PRKX: variants seen among roughly 807,000 people sequenced by gnomAD.
PRKX encodes the protein cAMP-dependent protein kinase catalytic subunit PRKX.
A neutral mutation model predicts 22.0 loss-of-function variants in PRKX; 12 were observed. That is an observed-to-expected ratio of 0.54 (90% CI 0.35 to 0.88). PRKX has a LOEUF of 0.88. Ranked by LOEUF, PRKX falls within the 40% of genes least tolerant of loss-of-function variation. PRKX has a pLI of 0.01. For synonymous variants in PRKX, 134 were observed against 137.7 expected (o/e 0.97, Z 0.19); for missense variants, 217 against 308.0 (o/e 0.70, Z 2.21).
intron 1 of PRKX, 42 bp downstream of exon 1, chrX:3,713,046 C>T: frequency 2.7e-6 from 3 of 1,131,110 alleles, no homozygotes; most frequent in Non-Finnish European, 2.3e-6. Flanking sequence ...CCGGCCACGC[C>T]GCGCGCCCCT....
chrX:3,626,972 A>G (rs183511061), intron 4 of PRKX, among the ~76,000 whole-genome samples: 2 of 111,929 alleles, frequency 1.8e-5, no homozygotes, highest in African/African-American at 6.5e-5. Context: ...TGGTCTTCAC[A>G]GACATTTCTC....
intron 1 of PRKX, among the ~76,000 whole-genome samples, chrX:3,692,286 C>T (rs1928346224): frequency 9.0e-6 from 1 of 110,597 alleles, no homozygotes. Flanking sequence ...CTCCACTCAC[C>T]ACACGCCATC....
At chrX:3,634,751 C>T (rs1224985591) in intron 4 of PRKX, among the ~76,000 whole-genome samples, 1 of 111,826 alleles carries the variant, frequency 8.9e-6, no homozygotes, top group Admixed American at 9.5e-5. Context: ...AGTGTAGTGA[C>T]GAGACCACAG....
chrX:3,621,177 T>C, intron 6 of PRKX, 82 bp downstream of exon 6: 1 of 880,652 alleles, frequency 1.1e-6, no homozygotes, highest in Non-Finnish European at 1.7e-6. Context: ...CCTTGGTTTA[T>C]ACCTGCACAT....
At chrX:3,643,864 T>C (rs765509174) in intron 3 of PRKX, among the ~76,000 whole-genome samples, 1 of 110,733 alleles carries the variant, frequency 9.0e-6, no homozygotes, top group South Asian at 3.9e-4. Flanking sequence ...ACATCTTGCC[T>C]GAGTCCGCAC....
chrX:3,648,657 T>A (rs183610483), intron 3 of PRKX, among the ~76,000 whole-genome samples: 81 of 101,716 alleles, frequency 8.0e-4, no homozygotes, highest in African/African-American at 1.4e-3. Flanking sequence ...TGTGTGTGTG[T>A]GAAAGGGGTA....
rs1460542537 is a variant in PRKX, at chrX:3,675,804, A to G, written c.167-1038T>C. Among the ~76,000 whole-genome samples, 3 of 111,394 alleles carry G rather than the reference A, an allele frequency of 2.7e-5. No individual in the cohort carries two copies. In the East Asian group the frequency reaches 8.5e-4, roughly 31 times the overall value. On this transcript the variant is annotated intron_variant, in intron 1 of 8. Coordinates refer to ENST00000262848, the MANE Select transcript of PRKX (RefSeq NM_005044.5). ...ATTGAAATATTCTTCACGTAGCATAAATGTTCTTGGGTTAATGGAACGAAT... is the reference window on the plus strand; with the variant it reads ...ATTGAAATATTCTTCACGTAGCATAGATGTTCTTGGGTTAATGGAACGAAT...
At chrX:3,621,065 C>T (rs984869237) in intron 6 of PRKX, among the ~76,000 whole-genome samples, 194 bp downstream of exon 6, 1 of 110,929 alleles carries the variant, frequency 9.0e-6, no homozygotes, top group South Asian at 3.9e-4. Context: ...GCCCAGAAAC[C>T]GAGATTTGAT....
intron 1 of PRKX, among the ~76,000 whole-genome samples, chrX:3,685,053 G>A (rs1022833635): frequency 5.4e-5 from 6 of 111,380 alleles, no homozygotes; most frequent in Non-Finnish European, 9.4e-5. Flanking sequence ...CTGACCTCAA[G>A]TGATTCGCCT....
intron 1 of PRKX, among the ~76,000 whole-genome samples, chrX:3,709,761 G>A (rs1332777411): frequency 1.8e-5 from 2 of 111,463 alleles, no homozygotes; most frequent in South Asian, 7.6e-4. Context: ...TCTACATAGG[G>A]TGAGTTTTTC....
Position 3,607,530 on chromosome X carries a change from C to A in PRKX, c.*1439G>T, listed in dbSNP as rs930973196. 3.6e-5 allele frequency: 4 copies of A among 111,472 alleles called. No individual in the cohort carries two copies. Among genetic ancestry groups the A allele is most frequent in the Non-Finnish European group, 7.5e-5 (4 of 53,201 alleles). The allele number at this position is 111,472 out of a possible 1,213,427, so 9.2% of individuals were successfully genotyped here. A position where few individuals can be genotyped will look rare whatever the true frequency, so the allele number is the denominator to read the frequency against. On this transcript the variant is annotated 3_prime_UTR_variant, in exon 9 of 9. Coordinates refer to ENST00000262848, the MANE Select transcript of PRKX (RefSeq NM_005044.5). ...TTTCCACATTTCACCATCTGAACAT[C>A]ATTTTCCACTGAGTTATTAATTGTA...
chrX:3,656,235 G>A (rs1310019200), intron 2 of PRKX, among the ~76,000 whole-genome samples: 1 of 110,971 alleles, frequency 9.0e-6, no homozygotes, highest in African/African-American at 3.3e-5. Flanking sequence ...GGTGTAGACA[G>A]AGGTTAATAT....
chrX:3,671,889 A>G (rs2146593955), intron 2 of PRKX, among the ~76,000 whole-genome samples: 1 of 111,565 alleles, frequency 9.0e-6, no homozygotes, highest in East Asian at 2.8e-4. Context: ...TCAGGAGGCC[A>G]AGGCAAGTGG....
chrX:3,610,314 T>C (rs749309898), intron 8 of PRKX, among the ~76,000 whole-genome samples: 57 of 110,772 alleles, frequency 5.1e-4, no homozygotes, highest in African/African-American at 1.8e-3. Context: ...AACCCATCTC[T>C]ACTAAAAATA....
intron 1 of PRKX, among the ~76,000 whole-genome samples, chrX:3,691,251 G>A (rs780272379): frequency 1.8e-5 from 2 of 111,162 alleles, no homozygotes; most frequent in Non-Finnish European, 3.8e-5. Context: ...TTACATTCTT[G>A]GGAATACATA....
chrX:3,693,531 T>A (rs1928375925), intron 1 of PRKX, among the ~76,000 whole-genome samples: 1 of 111,086 alleles, frequency 9.0e-6, no homozygotes, highest in African/African-American at 3.3e-5. Flanking sequence ...ACATTTCATG[T>A]TTAACCCAGG....
At chrX:3,613,150 CAAAAAAAAAAAAAAAAAAAAAA>C (rs528688936) in intron 7 of PRKX, among the ~76,000 whole-genome samples, 32 of 54,314 alleles carry the variant, frequency 5.9e-4, no homozygotes, top group South Asian at 2.5e-3. Context: ...GACTTCGTCT[CAAAAAAAAAAAAAAAAAAAAAA>C]AAAAAAAAAA....
intron 5 of PRKX, among the ~76,000 whole-genome samples, chrX:3,624,343 G>T (rs912182820): frequency 3.6e-5 from 4 of 111,255 alleles, no homozygotes; most frequent in African/African-American, 1.3e-4. Flanking sequence ...CCCACACTGG[G>T]TATGTAAAGA....
intron 8 of PRKX, chrX:3,610,877 G>A (rs1603472785): frequency 9.0e-6 from 1 of 111,578 alleles, no homozygotes; most frequent in African/African-American, 3.3e-5. Flanking sequence ...AAGATGTTAT[G>A]GGCGAGTCAG....
Sources: gnomAD v4.1 joint callset for allele counts (sites outside exome capture counted in the v4.1 genomes callset) on GRCh38, gnomAD v4.1.1 for gene constraint, MANE v1.5 for transcripts, NCBI Gene and HGNC (gene_info 2026-07-23, HGNC 2026-07-21) for gene names.